Variants in FAM117B observed in about 807,000 individuals in gnomAD.
The protein encoded by FAM117B is family with sequence similarity 117 member B, also known as protein FAM117B.
In FAM117B, 22 loss-of-function variants were observed where a neutral mutation model predicts 52.8. The observed-to-expected ratio is 0.42, with a 90% confidence interval of 0.30 to 0.59. The LOEUF (loss-of-function observed/expected upper bound fraction) is 0.59. Among genes scored for constraint, FAM117B ranks in the 20% least tolerant of loss-of-function variants. The pLI, the probability that FAM117B is intolerant of heterozygous loss-of-function variation, is 0.22. For synonymous variants in FAM117B, 309 were observed against 324.1 expected (o/e 0.95, Z 0.50); for missense variants, 678 against 802.6 (o/e 0.84, Z 1.88).
chr2:202,766,102 A>ACACACACACACACACACACAC lies in FAM117B; in HGVS notation c.*343_*344insACACACACACACACACCACAC. 5.2e-6 allele frequency: 1 copy of ACACACACACACACACACACAC among 190,658 alleles called. No individual in the cohort carries two copies. The highest frequency in any genetic ancestry group is 1.1e-5 in the Non-Finnish European group (1 of 93,376). 11.8% of individuals were successfully genotyped at this position (190,658 alleles called of 1,614,324 possible). On this transcript the variant is annotated 3_prime_UTR_variant, in exon 8 of 8. Coordinates refer to ENST00000392238, the MANE Select transcript of FAM117B (RefSeq NM_173511.4). The stretch of plus-strand genomic sequence containing the variant: ...CACACACACACACACACACACACAC[A>ACACACACACACACACACACAC]CACACCCCTGATCCTTGCCAACATG...
intron 1 of FAM117B, among the ~76,000 whole-genome samples, chr2:202,653,207 G>A (rs920874501): frequency 6.6e-6 from 1 of 152,200 alleles, no homozygotes; most frequent in African/African-American, 2.4e-5. Flanking sequence ...GGTGGAGGAT[G>A]CAGTGAGCCA....
At chr2:202,682,821 C>T (rs184287402) in intron 1 of FAM117B, among the ~76,000 whole-genome samples, 2 of 152,180 alleles carry the variant, frequency 1.3e-5, no homozygotes, top group East Asian at 1.9e-4. Context: ...GAAGAAGTTG[C>T]AGAATATTTG....
At chr2:202,650,232 A>C (rs536486589) in intron 1 of FAM117B, among the ~76,000 whole-genome samples, 1 of 152,238 alleles carries the variant, frequency 6.6e-6, no homozygotes, top group Non-Finnish European at 1.5e-5. Flanking sequence ...AAGAATTGAT[A>C]GGATTTGTTA....
chr2:202,741,347 A>C (rs1691532900), intron 4 of FAM117B, among the ~76,000 whole-genome samples: 1 of 122,614 alleles, frequency 8.2e-6, no homozygotes. Flanking sequence ...TGAACCCGGG[A>C]GGTGGAGGTT....
chr2:202,657,453 C>T (rs1690070711), intron 1 of FAM117B, among the ~76,000 whole-genome samples: 1 of 152,032 alleles, frequency 6.6e-6, no homozygotes, highest in Non-Finnish European at 1.5e-5. Flanking sequence ...AGACCATTTA[C>T]AGTTGTTGAC....
At chr2:202,728,515 T>C (rs1691291093) in intron 4 of FAM117B, among the ~76,000 whole-genome samples, 1 of 152,220 alleles carries the variant, frequency 6.6e-6, no homozygotes. Context: ...CTCAAGAGGC[T>C]GAAGACCCAG....
At chr2:202,683,755 CA>C (rs1690496721) in intron 1 of FAM117B, among the ~76,000 whole-genome samples, 1 of 152,160 alleles carries the variant, frequency 6.6e-6, no homozygotes, top group Non-Finnish European at 1.5e-5. Context: ...ACTAATTGCT[CA>C]TAAACCCTTT....
At chr2:202,691,816 G>T (rs1033444343) in intron 1 of FAM117B, among the ~76,000 whole-genome samples, 5 of 152,054 alleles carry the variant, frequency 3.3e-5, no homozygotes, top group African/African-American at 1.2e-4. Flanking sequence ...CGTTTCACTT[G>T]TCACAGTTAA....
At chr2:202,765,037 A>G (rs1165441133) in intron 7 of FAM117B, among the ~76,000 whole-genome samples, 1 of 152,224 alleles carries the variant, frequency 6.6e-6, no homozygotes, top group African/African-American at 2.4e-5. Flanking sequence ...CGGAAAAATC[A>G]TGGCAGTGGA....
intron 1 of FAM117B, among the ~76,000 whole-genome samples, chr2:202,678,675 G>A (rs1690415091): frequency 6.6e-6 from 1 of 152,188 alleles, no homozygotes; most frequent in Admixed American, 6.5e-5. Context: ...TTCTGCCTCA[G>A]CCTCCAGAGT....
intron 2 of FAM117B, among the ~76,000 whole-genome samples, chr2:202,708,235 C>G (rs1036254109): frequency 6.6e-6 from 1 of 152,142 alleles, no homozygotes; most frequent in Non-Finnish European, 1.5e-5. Flanking sequence ...CTCTCCATCC[C>G]CCCAGTCCCT....
chr2:202,670,288 C>CT lies in FAM117B; in HGVS notation c.602-25583dup, dbSNP rs547597583. ...GCATACTTTCTTTTTTCTTTTCTTT[C>CT]TTTTTTTTTTCTTTTTTTTTGAGAT... On this transcript the variant is annotated intron_variant, in intron 1 of 7. Coordinates refer to ENST00000392238, the MANE Select transcript of FAM117B (RefSeq NM_173511.4). 4.8e-4 allele frequency among the ~76,000 whole-genome samples: 68 copies of CT among 142,904 alleles called. 1 individual carries two copies. The highest frequency in any genetic ancestry group is 1.1e-3 in the African/African-American group (38 of 35,570). 93.8% of individuals were successfully genotyped at this position (142,904 alleles called of 152,430 possible). A position where few individuals can be genotyped will look rare whatever the true frequency, so the allele number is the denominator to read the frequency against.
In FAM117B at chr2:202,715,974, C is replaced by T. The variant is rs534978617; in HGVS notation, c.754-8943C>T. ...GCGCGTGCCTGCAATCGCAGGCACT[C>T]GGCAGGCTGAGGCAGGAGAATCAGG... On this transcript the variant is annotated intron_variant, in intron 2 of 7. Transcript: ENST00000392238. Among the ~76,000 whole-genome samples, 413 of 151,636 alleles carry T rather than the reference C, an allele frequency of 2.7e-3. 3 individuals carry two copies. The highest frequency in any genetic ancestry group is 3.2e-3 in the Non-Finnish European group (218 of 67,854).
intron 4 of FAM117B, among the ~76,000 whole-genome samples, chr2:202,729,153 C>A (rs1691301397): frequency 1.3e-5 from 2 of 152,180 alleles, no homozygotes; most frequent in Non-Finnish European, 1.5e-5. Flanking sequence ...GCCTGGCCAA[C>A]ATGGCGAAAC....
chr2:202,670,147 A>G (rs1250976540), intron 1 of FAM117B, among the ~76,000 whole-genome samples: 7 of 152,220 alleles, frequency 4.6e-5, no homozygotes, highest in African/African-American at 1.7e-4. Context: ...TGTGCTAGCT[A>G]CTATTTAGTT....
intron 1 of FAM117B, among the ~76,000 whole-genome samples, chr2:202,654,402 C>T (rs536049684): frequency 2.6e-5 from 4 of 152,042 alleles, no homozygotes; most frequent in African/African-American, 9.6e-5. Context: ...GCACTATTTT[C>T]TTGTCTTGTA....
chr2:202,729,032 T>C (rs1397141340), intron 4 of FAM117B, among the ~76,000 whole-genome samples: 1 of 152,136 alleles, frequency 6.6e-6, no homozygotes, highest in Non-Finnish European at 1.5e-5. Context: ...ACAGTAGTAC[T>C]CATGTTTAAT....
Position 202,759,221 on chromosome 2 carries a change from C to T in FAM117B, c.1331-12C>T, listed in dbSNP as rs781781350. 6.1e-5 allele frequency: 98 copies of T among 1,613,294 alleles called. No homozygotes were observed. Among genetic ancestry groups the T allele is most frequent in the Non-Finnish European group, 8.0e-5 (94 of 1,179,778 alleles). On this transcript the variant is annotated splice_polypyrimidine_tract_variant and intron_variant, in intron 6 of 7. Coordinates refer to ENST00000392238, the MANE Select transcript of FAM117B (RefSeq NM_173511.4). ...ACATTTATGTAGTAATCTAATGTGTCATTTCTTGCAGAGAATGGGAACAAT... is the reference window on the plus strand; with the variant it reads ...ACATTTATGTAGTAATCTAATGTGTTATTTCTTGCAGAGAATGGGAACAAT...
chr2:202,759,992 T>C (rs887798103), intron 7 of FAM117B, among the ~76,000 whole-genome samples: 1 of 152,202 alleles, frequency 6.6e-6, no homozygotes, highest in Non-Finnish European at 1.5e-5. Flanking sequence ...TGAGCCACTG[T>C]GCCCAGCCTA....
Sources: allele counts gnomAD v4.1 joint callset (sites outside exome capture counted in the v4.1 genomes callset), GRCh38; gene constraint gnomAD v4.1.1; transcripts MANE v1.5; gene names NCBI Gene and HGNC (gene_info 2026-07-23, HGNC 2026-07-21).